Variants in PIK3R3 observed in about 807,000 individuals in gnomAD.
The protein encoded by PIK3R3 is phosphatidylinositol 3-kinase regulatory subunit gamma.
Under a neutral mutation model 62.9 loss-of-function variants are expected in PIK3R3, and 64 were observed. The ratio of observed to expected loss-of-function variants is 1.02; its 90% CI spans 0.83 to 1.25. The LOEUF (loss-of-function observed/expected upper bound fraction) is 1.25, where lower values mean the gene tolerates loss of function less well. Among genes scored for constraint, PIK3R3 ranks in the 50% most tolerant of loss-of-function variants. The pLI, the probability that PIK3R3 is intolerant of heterozygous loss-of-function variation, is 0.00. For synonymous variants in PIK3R3, 165 were observed against 189.0 expected (o/e 0.87, Z 1.04); for missense variants, 614 against 561.6 (o/e 1.09, Z -0.94).
At chr1:46,083,218 A>AGTTG (rs1650766332) in intron 1 of PIK3R3, among the ~76,000 whole-genome samples, 1 of 152,242 alleles carries the variant, frequency 6.6e-6, no homozygotes, top group South Asian at 2.1e-4. Flanking sequence ...AAAAGAATGA[A>AGTTG]GTTGGATCCC....
chr1:46,085,101 G>A (rs1650939884), intron 1 of PIK3R3, among the ~76,000 whole-genome samples: 1 of 152,202 alleles, frequency 6.6e-6, no homozygotes, highest in Admixed American at 6.5e-5. Context: ...ATCTATTACA[G>A]AGGGCTGCCT....
At chr1:46,105,211 A>G (rs1476672225) in intron 1 of PIK3R3, 9 of 470,076 alleles carry the variant, frequency 1.9e-5, no homozygotes, top group Non-Finnish European at 3.1e-5. Context: ...TTGTTTAAAA[A>G]ACAGCTCATC....
intron 1 of PIK3R3, chr1:46,105,084 C>T: frequency 1.3e-5 from 10 of 743,276 alleles, no homozygotes; most frequent in Non-Finnish European, 2.5e-5. Flanking sequence ...TTCTCTATTG[C>T]TGTATGGACT....
In PIK3R3 at chr1:46,131,824, CTTTT is replaced by C; in HGVS notation, c.106+19_106+22del. The C allele has an allele frequency of 8.1e-7, 1 of 1,231,616 alleles. No homozygotes were observed. The highest frequency in any genetic ancestry group is 1.1e-6 in the Non-Finnish European group (1 of 889,762). 76.3% of individuals were successfully genotyped at this position (1,231,616 alleles called of 1,614,324 possible). On this transcript the variant is annotated intron_variant, in intron 1 of 9. Transcript: ENST00000262741. ...TACAAATCAGACCCATCACGAGATTCTTTTTTTTTTTCTCCCAAGTACCTGGAGG... is the reference window on the plus strand; with the variant it reads ...TACAAATCAGACCCATCACGAGATTCTTTTTTTCTCCCAAGTACCTGGAGG...
chr1:46,096,739 G>T (rs1175051856), intron 1 of PIK3R3, among the ~76,000 whole-genome samples: 1 of 151,852 alleles, frequency 6.6e-6, no homozygotes, highest in East Asian at 1.9e-4. Flanking sequence ...TACTTGGAAG[G>T]CTGAGGTGGG....
the PIK3R3 span, among the ~76,000 whole-genome samples, chr1:46,147,921 G>A: frequency 6.6e-6 from 1 of 152,134 alleles, no homozygotes. Flanking sequence ...CAAAAAAAAA[G>A]GGAGTAAGAA....
At chr1:46,099,621 A>C (rs936149162) in intron 1 of PIK3R3, among the ~76,000 whole-genome samples, 4 of 152,180 alleles carry the variant, frequency 2.6e-5, no homozygotes, top group Non-Finnish European at 5.9e-5. Flanking sequence ...CATTACATGA[A>C]TATTCTATAA....
At chr1:46,102,454 T>C (rs1652785970) in intron 1 of PIK3R3, among the ~76,000 whole-genome samples, 1 of 152,178 alleles carries the variant, frequency 6.6e-6, no homozygotes, top group Non-Finnish European at 1.5e-5. Context: ...ATCTTTAGCT[T>C]TTTATACAGT....
intron 1 of PIK3R3, among the ~76,000 whole-genome samples, chr1:46,086,518 G>A (rs964012488): frequency 2.0e-5 from 3 of 151,974 alleles, no homozygotes; most frequent in African/African-American, 4.8e-5. Flanking sequence ...TGGCCAACAC[G>A]GTGAAACCCT....
chr1:46,103,224 C>G (rs994413312), intron 1 of PIK3R3, among the ~76,000 whole-genome samples: 1 of 152,132 alleles, frequency 6.6e-6, no homozygotes, highest in Non-Finnish European at 1.5e-5. Flanking sequence ...AAGATGAAAT[C>G]TGGAGATCTG....
chr1:46,169,666 C>T, the PIK3R3 span, among the ~76,000 whole-genome samples: 3 of 152,008 alleles, frequency 2.0e-5, no homozygotes, highest in Non-Finnish European at 4.4e-5. Flanking sequence ...GGCAAATGGG[C>T]GTGTGAGTAG....
rs190716757 is a variant in PIK3R3, at chr1:46,064,424, C to T, written c.621+1630G>A. On this transcript the variant is annotated intron_variant, in intron 5 of 9. Transcript: ENST00000262741. ...GGCATGGTGGTGCACGCCTGTAATC[C>T]CAGCTATTCGGGAGGCTGAGGCAGG... Among the ~76,000 whole-genome samples, 83 of 151,932 alleles carry T rather than the reference C, an allele frequency of 5.5e-4. No homozygotes were observed. The East Asian group carries it at 0.013, about 24-fold the overall frequency.
chr1:46,052,983 G>A (rs1167211269), intron 7 of PIK3R3, among the ~76,000 whole-genome samples: 1 of 152,166 alleles, frequency 6.6e-6, no homozygotes, highest in Admixed American at 6.5e-5. Context: ...ATGCTAATAT[G>A]AGACACGTAT....
In PIK3R3 at chr1:46,073,877, G is replaced by A. The variant is rs181260502; in HGVS notation, c.314+3638C>T. Among the ~76,000 whole-genome samples, 288 of 147,366 alleles carry A rather than the reference G, an allele frequency of 2.0e-3. 6 individuals are homozygous for A. In the South Asian group the frequency reaches 0.05, roughly 26 times the overall value. On this transcript the variant is annotated intron_variant, in intron 3 of 9. Coordinates refer to ENST00000262741, the MANE Select transcript of PIK3R3 (RefSeq NM_003629.4). ...TCTCTAACTCCTGATCTCATGATCC[G>A]CCTGCCTTGGCCTCCCAAAGTGCTG...
At chr1:46,100,707 T>C (rs1652579027) in intron 1 of PIK3R3, among the ~76,000 whole-genome samples, 1 of 152,182 alleles carries the variant, frequency 6.6e-6, no homozygotes, top group Non-Finnish European at 1.5e-5. Context: ...ACTGACATGT[T>C]TATGTCACTG....
chr1:46,100,263 A>C (rs924522694), intron 1 of PIK3R3, among the ~76,000 whole-genome samples: 1 of 152,142 alleles, frequency 6.6e-6, no homozygotes, highest in African/African-American at 2.4e-5. Flanking sequence ...ACTTTTTTCT[A>C]AAAGTTTAAC....
intron 7 of PIK3R3, among the ~76,000 whole-genome samples, chr1:46,055,298 G>C (rs1434736901): frequency 6.6e-6 from 1 of 152,114 alleles, no homozygotes; most frequent in Non-Finnish European, 1.5e-5. Flanking sequence ...AGTAGAAACG[G>C]AGTTTCACTA....
At chr1:46,144,783 C>A in the PIK3R3 span, among the ~76,000 whole-genome samples, 175 of 142,818 alleles carry the variant, frequency 1.2e-3, 1 homozygote, top group Non-Finnish European at 2.1e-3. Context: ...AAAAAAAAAA[C>A]GACTCAATTC....
chr1:46,131,586 T>C, intron 1 of PIK3R3: 1 of 513,656 alleles, frequency 1.9e-6, no homozygotes, highest in Non-Finnish European at 3.6e-6. Flanking sequence ...TAAAAAATAA[T>C]GATAATTTTA....
Sources: allele counts gnomAD v4.1 joint callset (sites outside exome capture counted in the v4.1 genomes callset), GRCh38; gene constraint gnomAD v4.1.1; transcripts MANE v1.5; gene names NCBI Gene and HGNC (gene_info 2026-07-23, HGNC 2026-07-21).